SH3D21: variants seen among roughly 807,000 people sequenced by gnomAD.
The protein encoded by SH3D21 is manchette microtubule inner protein 1.
Under a neutral mutation model 82.1 loss-of-function variants are expected in SH3D21, and 83 were observed. The ratio of observed to expected loss-of-function variants is 1.01; its 90% CI spans 0.85 to 1.21. SH3D21 has a LOEUF of 1.21. SH3D21 is among the 50% of genes most tolerant of loss of function. The probability of loss-of-function intolerance (pLI) is 0.00; values close to 1 mark genes in which losing one functional copy is unlikely to be tolerated. For synonymous variants in SH3D21, 383 were observed against 387.8 expected, an observed-to-expected ratio of 0.99 and a Z score of 0.15; for missense variants, 980 against 962.1, an observed-to-expected ratio of 1.02 and a Z score of -0.25.
chr1:36,321,648 G>C (rs759744658), downstream of SH3D21: 120 of 1,014,474 alleles, frequency 1.2e-4, no homozygotes, highest in Non-Finnish European at 1.3e-4. The surrounding 1 kb of genome is among the most constrained non-coding windows in gnomAD (Gnocchi z 6.1). Context: ...GCCCAAGCAC[G>C]CATGCTTACA....
intron 10 of SH3D21, among the ~76,000 whole-genome samples, chr1:36,313,972 C>CTTTTTTTTTTTTCTTTTTTTTTTTT (rs1646291678): frequency 2.7e-5 from 1 of 36,784 alleles, no homozygotes. Flanking sequence ...AACATATTTT[C>CTTTTTTTTTTTTCTTTTTTTTTTTT]TTTTTTTTTT....
rs970324661 is a variant in SH3D21, at chr1:36,307,816, G to A, written c.483G>A (p.Arg161=). 67 of 1,551,672 alleles carry A rather than the reference G, an allele frequency of 4.3e-5. No homozygotes were observed. The highest frequency in any genetic ancestry group is 5.5e-5 in the Non-Finnish European group (63 of 1,147,016). Reference sequence around the variant, plus strand: ...CTTCAGTCAGCCCTGGTCCCCAGCGGCCTCCCAAGGTAAGTTGGCTCAGAG... The same window carrying A: ...CTTCAGTCAGCCCTGGTCCCCAGCGACCTCCCAAGGTAAGTTGGCTCAGAG... The part of the protein sequence containing the change: ...DMPSVSPGPQ[R]PPKLSSLAYD... Residue 161 remains arginine (R), a synonymous_variant, in exon 6 of 16, where the codon CGG becomes CGA. Coordinates refer to ENST00000453908, the MANE Select transcript of SH3D21 (RefSeq NM_001162530.2). This position sits in a 1 kb window ranked among gnomAD's most constrained non-coding sequence, Gnocchi z 5.4.
chr1:36,308,367 C>T, intron 8 of SH3D21, 22 bp from the exon 9 acceptor site: 1 of 1,550,338 alleles, frequency 6.5e-7, no homozygotes, highest in South Asian at 1.2e-5. Context: ...CTCACCTCCC[C>T]ACTGGCGTGT....
chr1:36,317,295 C>T (rs1451916583), intron 10 of SH3D21, among the ~76,000 whole-genome samples: 1 of 152,206 alleles, frequency 6.6e-6, no homozygotes, highest in East Asian at 1.9e-4. Flanking sequence ...ATACAACTAG[C>T]AAGGAGTGGA....
At chr1:36,327,848 A>G (rs1646560430), downstream of SH3D21, 1 of 1,289,382 alleles carries the variant, frequency 7.8e-7, no homozygotes. Context: ...GGCTGTCCCC[A>G]TGGTCCACAT....
chr1:36,319,783 T>C lies in SH3D21; in HGVS notation c.1120T>C (p.Ser374Pro). The C allele has an allele frequency of 6.2e-7, 1 of 1,610,218 alleles. No individual in the cohort carries two copies. The highest frequency in any genetic ancestry group is 8.5e-7 in the Non-Finnish European group (1 of 1,179,014). The change falls in exon 14 of 16, where the codon TCC becomes CCC. Residue 374 changes from serine (S) to proline (P), a missense_variant. By Grantham distance (74) the Ser-to-Pro change is moderately conservative. Coordinates refer to ENST00000453908, the MANE Select transcript of SH3D21 (RefSeq NM_001162530.2). ...CCCAGCTCCAGAGAACGCCCCCAGC[T>C]CCAAGAAGATCCCGGCTCCTGACAA... Reference protein sequence around the residue: ...RPPAPENAPSSKKIPAPDKVP... With the variant: ...RPPAPENAPSPKKIPAPDKVP...
downstream of SH3D21, chr1:36,322,373 C>T: frequency 1.3e-6 from 2 of 1,591,394 alleles, no homozygotes; most frequent in Non-Finnish European, 1.7e-6. Flanking sequence ...GCAGGTCCGG[C>T]TGCCCGGTGC....
chr1:36,306,488 A>AC lies in SH3D21; in HGVS notation c.4+70dup. 1 of 1,303,116 alleles carries AC rather than the reference A, an allele frequency of 7.7e-7. No individual in the cohort carries two copies. The allele number at this position is 1,303,116 out of a possible 1,614,324, so 80.7% of individuals were successfully genotyped here. ...CGTGGACATAGCAAGAGCCCACACC[A>AC]CCCCCCGACCCCCGCTGCCCTCTAC... is the stretch of plus-strand genomic sequence containing the variant. On this transcript the variant is annotated intron_variant, in intron 1 of 15. Coordinates refer to ENST00000453908, the MANE Select transcript of SH3D21 (RefSeq NM_001162530.2). This position sits in a 1 kb window ranked among gnomAD's most constrained non-coding sequence, Gnocchi z 4.5.
rs907902046 is a variant in SH3D21 at position 36,308,164 on chromosome 1, C to G, written c.594C>G (p.Asp198Glu). 2 of 1,549,254 alleles carry G rather than the reference C, an allele frequency of 1.3e-6. No individual in the cohort carries two copies. The highest frequency in any genetic ancestry group is 1.7e-6 in the Non-Finnish European group (2 of 1,145,852). Reference sequence around the variant, plus strand: ...TTGACTACCAGCCTGAGGCCCCAGACGAGTTGGCGCTGCGGAGGGGGGACG... The same window carrying G: ...TTGACTACCAGCCTGAGGCCCCAGAGGAGTTGGCGCTGCGGAGGGGGGACG... The part of the protein sequence containing the change: ...VLFDYQPEAP[D>E]ELALRRGDVV... Residue 198 changes from aspartate (D) to glutamate (E), a missense_variant, in exon 8 of 16, where the codon GAC (aspartate) becomes GAG (glutamate). Physicochemically the swap from Asp to Glu is conservative, Grantham distance 45 (BLOSUM62 2). Coordinates refer to ENST00000453908, the MANE Select transcript of SH3D21 (RefSeq NM_001162530.2).
intron 9 of SH3D21, 144 bp from the exon 10 acceptor site, chr1:36,309,404 C>T (rs1380400642): frequency 2.3e-6 from 2 of 862,008 alleles, no homozygotes; most frequent in East Asian, 5.6e-5. Context: ...GCCATGTTGG[C>T]CAAGCTGGTC....
chr1:36,318,216 G>C (rs1646376357), intron 10 of SH3D21, among the ~76,000 whole-genome samples: 2 of 152,198 alleles, frequency 1.3e-5, no homozygotes, highest in African/African-American at 4.8e-5. Context: ...GGGTAAATGA[G>C]CCAGATGGGG....
rs776798416 is a variant in SH3D21, at chr1:36,306,543, G to C, written c.5-55G>C. On this transcript the variant is annotated intron_variant, in intron 1 of 15. Transcript: ENST00000453908. This position sits in a 1 kb window ranked among gnomAD's most constrained non-coding sequence, Gnocchi z 4.5. ...CTTGGGGACACGCCCGCCCTAGCCA[G>C]GCTGCCCGGCTGGGCCTTTCTGAGC... The C allele has an allele frequency of 1.5e-6, 2 of 1,302,792 alleles. No individual in the cohort carries two copies. Among genetic ancestry groups the C allele is most frequent in the South Asian group, 2.5e-5 (2 of 80,894 alleles). The allele number at this position is 1,302,792 out of a possible 1,614,324, so 80.7% of individuals were successfully genotyped here.
chr1:36,329,798 GA>G (rs1373113269), downstream of SH3D21, among the ~76,000 whole-genome samples: 1 of 152,182 alleles, frequency 6.6e-6, no homozygotes, highest in African/African-American at 2.4e-5. Context: ...ACACCTGAAT[GA>G]GGCAGGGAGT....
Position 36,309,582 on chromosome 1 carries a change from G to A in SH3D21, c.761G>A (p.Arg254Gln), listed in dbSNP as rs1259887350. The A allele has an allele frequency of 2.4e-5, 37 of 1,551,498 alleles. No individual in the cohort carries two copies. Among genetic ancestry groups the A allele is most frequent in the Non-Finnish European group, 3.1e-5 (35 of 1,146,940 alleles). Residue 254 changes from arginine to glutamine, a missense_variant, in exon 10 of 16, where the codon CGG (arginine) becomes CAG (glutamine). Arg to Gln is a conservative substitution (Grantham distance 43). Transcript: ENST00000453908. ...KKLVPRKVVS[R>Q]ESAPIKEPKK... is the part of the protein sequence containing the mutation. Reference sequence around the variant, plus strand: ...CTGGTCCCACGGAAAGTGGTATCTCGGGAATCAGGTGAGTGCCCGGGGAGC... The same window carrying A: ...CTGGTCCCACGGAAAGTGGTATCTCAGGAATCAGGTGAGTGCCCGGGGAGC...
chr1:36,321,569 G>A (rs1200319220), downstream of SH3D21: 1 of 799,516 alleles, frequency 1.3e-6, no homozygotes, highest in African/African-American at 1.8e-5. This position sits in a 1 kb window ranked among gnomAD's most constrained non-coding sequence, Gnocchi z 6.1. Context: ...TGGCCTCCCT[G>A]TCCGCTCAGA....
downstream of SH3D21, chr1:36,324,283 G>A (rs1646518180): frequency 1.3e-5 from 2 of 152,420 alleles, no homozygotes; most frequent in South Asian, 4.1e-4. Flanking sequence ...GAGCTCCTGC[G>A]CTCTTGTGCA....
intron 9 of SH3D21, among the ~76,000 whole-genome samples, chr1:36,309,075 T>G (rs372699340): frequency 6.6e-6 from 1 of 152,202 alleles, no homozygotes; most frequent in East Asian, 1.9e-4. Context: ...GTTTTAATAA[T>G]TTTGTGCATG....
rs1250447866 is a variant in SH3D21, at chr1:36,308,152, T to C, written c.582T>C (p.Pro194=). 6.5e-7 allele frequency: 1 copy of C among 1,549,756 alleles called. No individual in the cohort carries two copies. The highest frequency in any genetic ancestry group is 1.2e-5 in the South Asian group (1 of 83,748). ...EVYRVLFDYQ[P]EAPDELALRR... ...ACAGGGTCCTGTTTGACTACCAGCC[T>C]GAGGCCCCAGACGAGTTGGCGCTGC... Residue 194 remains proline, a synonymous_variant, in exon 8 of 16, where the codon CCT becomes CCC. Transcript: ENST00000453908.
chr1:36,320,755 G>T lies in SH3D21; in HGVS notation c.2092G>T (p.Glu698Ter), dbSNP rs1410287063. ...TGTAACGTCGCTGAGGGGCGAGGTG[G>T]AGTCTCTAAGGAGGGCGCTGGAGCT... The part of the protein sequence containing the change: ...VDVTSLRGEV[E>*]SLRRALELME... The change falls in exon 14 of 16, where the codon GAG becomes TAG. Residue 698 changes from glutamate (E) to a stop codon, truncating the protein, a stop_gained. Transcript: ENST00000453908. LOFTEE classifies it high-confidence loss of function. 1 of 1,597,444 alleles carries T rather than the reference G, an allele frequency of 6.3e-7. No homozygotes were observed. Among genetic ancestry groups the T allele is most frequent in the Admixed American group, 1.8e-5 (1 of 56,452 alleles).
Sources: gnomAD v4.1 joint callset for allele counts (sites outside exome capture counted in the v4.1 genomes callset) on GRCh38, gnomAD v4.1.1 for gene constraint, Gnocchi (gnomAD v3.1) non-coding constraint, MANE v1.5 for transcripts, NCBI Gene and HGNC (gene_info 2026-07-23, HGNC 2026-07-21) for gene names.